Variants in SLC22A23 observed in about 807,000 individuals in gnomAD.
SLC22A23 encodes the protein solute carrier family 22 member 23.
A neutral mutation model predicts 61.0 loss-of-function variants in SLC22A23; 26 were observed. That is an observed-to-expected ratio of 0.43 (90% CI 0.31 to 0.59). SLC22A23 has a LOEUF of 0.59. Among genes scored for constraint, SLC22A23 ranks in the 20% least tolerant of loss-of-function variants. The pLI is 0.11. For synonymous variants in SLC22A23, 430 were observed against 413.9 expected (o/e 1.04, Z -0.47); for missense variants, 796 against 934.7 (o/e 0.85, Z 1.94).
In SLC22A23 at chr6:3,286,997, A is replaced by G; in HGVS notation, c.1408T>C (p.Tyr470His). ...PLLENFYADY[Y>H]TTASIALVSC... is the part of the protein sequence containing the mutation. The stretch of plus-strand genomic sequence containing the variant: ...ACCAGCGCGATGCTGGCCGTGGTAT[A>G]GTAGTCAGCATAGAAGTTCTCCAGG... The change falls in exon 7 of 10, where the codon TAT (tyrosine) becomes CAT (histidine). Residue 470 changes from tyrosine (Y) to histidine (H), a missense_variant. By Grantham distance (83) the Tyr-to-His change is moderately conservative. Transcript: ENST00000406686. This position sits in a 1 kb window ranked among gnomAD's most constrained non-coding sequence, Gnocchi z 4.2. The G allele has an allele frequency of 1.2e-6, 2 of 1,614,198 alleles. No homozygotes were observed. Among genetic ancestry groups the G allele is most frequent in the Non-Finnish European group, 1.7e-6 (2 of 1,180,036 alleles).
At chr6:3,281,794 C>T (rs140865321) in intron 9 of SLC22A23, among the ~76,000 whole-genome samples, 153 of 152,266 alleles carry the variant, frequency 1.0e-3, no homozygotes, top group South Asian at 8.9e-3. Flanking sequence ...TTGTCAGGAA[C>T]GCTAGACATT....
At chr6:3,395,178 T>C (rs926296685) in intron 3 of SLC22A23, among the ~76,000 whole-genome samples, 16 of 152,226 alleles carry the variant, frequency 1.1e-4, no homozygotes, top group African/African-American at 3.6e-4. Flanking sequence ...AAGGGTATTC[T>C]CAATCATCTG....
intron 9 of SLC22A23, chr6:3,283,648 C>G: frequency 3.0e-6 from 2 of 673,522 alleles, no homozygotes; most frequent in Non-Finnish European, 4.9e-6. Context: ...GCTGCCTGGA[C>G]AGGACCCCAG....
intron 3 of SLC22A23, among the ~76,000 whole-genome samples, chr6:3,377,152 A>G (rs1471073627): frequency 6.6e-6 from 1 of 152,194 alleles, no homozygotes; most frequent in Non-Finnish European, 1.5e-5. Context: ...TTTACATATC[A>G]TCTGTGGCTG....
intron 1 of SLC22A23, among the ~76,000 whole-genome samples, chr6:3,421,261 T>C (rs1364769336): frequency 6.6e-6 from 1 of 152,186 alleles, no homozygotes; most frequent in Non-Finnish European, 1.5e-5. Context: ...TTTGGCAATA[T>C]GCAGCACATT....
chr6:3,307,428 C>T (rs1422669842), intron 4 of SLC22A23, among the ~76,000 whole-genome samples: 1 of 151,482 alleles, frequency 6.6e-6, no homozygotes, highest in Non-Finnish European at 1.5e-5. Context: ...TCTGGAACCC[C>T]CAAAGCATTC....
In SLC22A23 at chr6:3,455,994, G is replaced by C. The variant is rs1772384565; in HGVS notation, c.566C>G (p.Pro189Arg). The C allele has an allele frequency of 6.5e-7, 1 of 1,547,310 alleles. No homozygotes were observed. Among genetic ancestry groups the C allele is most frequent in the South Asian group, 1.2e-5 (1 of 84,012 alleles). ...GTTGGAGGCGTTGTCCCCCTTGTCCGGAGGGGATGGCAGGGGTGGTGTGTC... is the reference window on the plus strand; with the variant it reads ...GTTGGAGGCGTTGTCCCCCTTGTCCCGAGGGGATGGCAGGGGTGGTGTGTC... ...GGDTPPLPSPPDKGDNASNCD... is the reference protein window; with the variant it reads ...GGDTPPLPSPRDKGDNASNCD... Residue 189 changes from proline to arginine, a missense_variant, in exon 1 of 10, where the codon CCG becomes CGG. Pro to Arg is a moderately radical substitution (Grantham distance 103). Coordinates refer to ENST00000406686, the MANE Select transcript of SLC22A23 (RefSeq NM_015482.2).
In SLC22A23 at chr6:3,454,812, G is replaced by C. The variant is rs928027; in HGVS notation, c.654+1094C>G. ...GTAAGAGTTTATCTTACACATCCAT[G>C]AGCTACAACTGTTAACCAATGCACA... On this transcript the variant is annotated intron_variant, in intron 1 of 9. Coordinates refer to ENST00000406686, the MANE Select transcript of SLC22A23 (RefSeq NM_015482.2). The surrounding 1 kb of genome is among the most constrained non-coding windows in gnomAD (Gnocchi z 4.3). 7.9e-5 allele frequency among the ~76,000 whole-genome samples: 12 copies of C among 152,202 alleles called. No homozygotes were observed. The highest frequency in any genetic ancestry group is 2.9e-4 in the African/African-American group (12 of 41,548).
At position 3,390,019 on chromosome 6, in the gene SLC22A23, T is replaced by C. The variant is rs1887842; in HGVS notation, c.913+20169A>G. On this transcript the variant is annotated intron_variant, in intron 3 of 9. Transcript: ENST00000406686. The surrounding 1 kb of genome is among the most constrained non-coding windows in gnomAD (Gnocchi z 4.0). ...AAATACAAAAGTGACATCATCACTT[T>C]GCATTTCAAAAAAAGGCCTGGTTTG... 0.33 allele frequency among the ~76,000 whole-genome samples: 50,827 copies of C among 152,110 alleles called. 9,094 individuals carry two copies. Among genetic ancestry groups the C allele is most frequent in the East Asian group, 0.53 (2,746 of 5,170 alleles).
rs375092478 is a variant in SLC22A23, at chr6:3,317,947, G to A, written c.1082+5887C>T. Among the ~76,000 whole-genome samples, 4 of 152,102 alleles carry A rather than the reference G, an allele frequency of 2.6e-5. No homozygotes were observed. Among genetic ancestry groups the A allele is most frequent in the Admixed American group, 2.0e-4 (3 of 15,256 alleles). On this transcript the variant is annotated intron_variant, in intron 4 of 9. Coordinates refer to ENST00000406686, the MANE Select transcript of SLC22A23 (RefSeq NM_015482.2). The surrounding 1 kb of genome is among the most constrained non-coding windows in gnomAD (Gnocchi z 4.4). Reference sequence around the variant, plus strand: ...TATTATAAGCATCCCCAGGCAGCTCGTGCAATGACATCGCTCGCCTATCTT... The same window carrying A: ...TATTATAAGCATCCCCAGGCAGCTCATGCAATGACATCGCTCGCCTATCTT...
intron 5 of SLC22A23, among the ~76,000 whole-genome samples, chr6:3,294,202 T>A (rs13192614): frequency 0.08 from 12,229 of 152,118 alleles, 1,089 homozygotes; most frequent in African/African-American, 0.22. Context: ...GCAGATGAGA[T>A]ACATATGAAG....
intron 3 of SLC22A23, among the ~76,000 whole-genome samples, chr6:3,350,906 C>T (rs1764730652): frequency 6.6e-6 from 1 of 151,672 alleles, no homozygotes; most frequent in African/African-American, 2.4e-5. Flanking sequence ...CTTGTATCTT[C>T]AAAGGGCACT....
In SLC22A23 at chr6:3,285,094, G is replaced by A; in HGVS notation, c.1564C>T (p.Gln522Ter). The change falls in exon 8 of 10, where the codon CAG becomes TAG. Residue 522 changes from glutamine (Q) to a stop codon, truncating the protein, a stop_gained. Transcript: ENST00000406686. LOFTEE classifies it high-confidence loss of function. ...GLLNLIGKYSQHPDSGMSDSV... is the reference protein window; with the variant it reads ...GLLNLIGKYS ...TGGGACTCACCTGAGTCTGGGTGCT[G>A]GCTGTACTTTCCAATCACTGGACCC... 6.2e-7 allele frequency: 1 copy of A among 1,613,416 alleles called. No individual in the cohort carries two copies. The highest frequency in any genetic ancestry group is 8.5e-7 in the Non-Finnish European group (1 of 1,179,694).
chr6:3,316,384 C>A (rs1456801233), intron 4 of SLC22A23, among the ~76,000 whole-genome samples: 3 of 152,222 alleles, frequency 2.0e-5, no homozygotes, highest in Non-Finnish European at 4.4e-5. Flanking sequence ...AAGAAAAGCA[C>A]ATTTCTAAAA....
intron 5 of SLC22A23, among the ~76,000 whole-genome samples, chr6:3,294,482 C>T (rs566636074): frequency 6.6e-6 from 1 of 152,288 alleles, no homozygotes; most frequent in South Asian, 2.1e-4. Context: ...CCCAAAACAT[C>T]CAATCCCCAA....
intron 4 of SLC22A23, among the ~76,000 whole-genome samples, chr6:3,315,169 A>C (rs1391667091): frequency 2.1e-5 from 1 of 47,220 alleles, no homozygotes; most frequent in Non-Finnish European, 5.3e-5. Context: ...GAAAAGTGCA[A>C]AAAAAAAAAC....
chr6:3,351,978 G>C (rs1764795565), intron 3 of SLC22A23, among the ~76,000 whole-genome samples: 1 of 152,180 alleles, frequency 6.6e-6, no homozygotes, highest in African/African-American at 2.4e-5. Context: ...GATGCTCTGG[G>C]TGGATGACTG....
At chr6:3,385,571 T>C (rs1172293684) in intron 3 of SLC22A23, among the ~76,000 whole-genome samples, 1 of 152,210 alleles carries the variant, frequency 6.6e-6, no homozygotes, top group Non-Finnish European at 1.5e-5. Flanking sequence ...TATTTTACCA[T>C]GATCAAACAG....
At chr6:3,400,084 G>A (rs1458901355) in intron 3 of SLC22A23, among the ~76,000 whole-genome samples, 6 of 152,104 alleles carry the variant, frequency 3.9e-5, no homozygotes, top group African/African-American at 1.4e-4. Context: ...CACCATGTTG[G>A]TCAGGCTGGT....
Sources: gnomAD v4.1 joint callset for allele counts (sites outside exome capture counted in the v4.1 genomes callset) on GRCh38, gnomAD v4.1.1 for gene constraint, Gnocchi (gnomAD v3.1) non-coding constraint, MANE v1.5 for transcripts, NCBI Gene and HGNC (gene_info 2026-07-23, HGNC 2026-07-21) for gene names.